The following MYO16 variants were observed in gnomAD, a reference collection of about 807,000 sequenced individuals.
MYO16 encodes myosin XVI, also known as unconventional myosin-XVI.
MYO16 carries 94 observed loss-of-function variants against 205.3 expected under a neutral mutation model. The observed-to-expected ratio is 0.46, with a 90% CI of 0.39 to 0.54. MYO16 has a LOEUF of 0.54. Ranked by LOEUF, MYO16 falls within the 20% of genes least tolerant of loss-of-function variation. The pLI is 0.00. For synonymous variants in MYO16, 988 were observed against 954.0 expected (o/e 1.04, Z -0.66); for missense variants, 2,315 against 2,387.5 (o/e 0.97, Z 0.63).
Position 109,140,775 on chromosome 13 carries a change from C to A in MYO16, c.4563C>A (p.Pro1521=). The change falls in exon 32 of 35, where the codon CCC becomes CCA. Residue 1521 remains proline, a synonymous_variant. Coordinates refer to ENST00000457511, the MANE Select transcript of MYO16 (RefSeq NM_001198950.3). This position sits in a 1 kb window ranked among gnomAD's most constrained non-coding sequence, Gnocchi z 8.0. ...CCCTGCTGGTGTTCCCCCCGACCCC[C>A]GTCACCTGCTCCCCCGCCTCCGACG... The part of the protein sequence containing the change: ...RPPLLVFPPT[P]VTCSPASDES... The A allele has an allele frequency of 1.9e-6, 3 of 1,568,544 alleles. No individual in the cohort carries two copies. The highest frequency in any genetic ancestry group is 2.6e-6 in the Non-Finnish European group (3 of 1,160,226).
At chr13:108,800,244 A>G (rs1472811233) in intron 6 of MYO16, among the ~76,000 whole-genome samples, 2 of 152,286 alleles carry the variant, frequency 1.3e-5, no homozygotes, top group African/African-American at 2.4e-5. Flanking sequence ...TGCAAGAATC[A>G]AAACCAGTTT....
intron 2 of MYO16, among the ~76,000 whole-genome samples, chr13:108,688,316 C>T (rs775269982): frequency 8.5e-5 from 13 of 152,056 alleles, no homozygotes; most frequent in Non-Finnish European, 1.6e-4. Flanking sequence ...AAGTCGGAAA[C>T]GTTAACTAAA....
intron 11 of MYO16, among the ~76,000 whole-genome samples, chr13:108,864,492 T>C (rs886868602): frequency 3.3e-5 from 5 of 152,158 alleles, no homozygotes; most frequent in Non-Finnish European, 7.4e-5. Context: ...TTGTATATTT[T>C]TAAGGGATAC....
In MYO16 at chr13:109,207,509, A is replaced by T. The variant is rs1880653723; in HGVS notation, c.*673A>T. On this transcript the variant is annotated 3_prime_UTR_variant, in exon 35 of 35. Transcript: ENST00000457511. ...CGCCAGTGTCACCCCTTGCAAAACTATGAATTGAGCCCCATGTTTTAGGTG... is the reference window on the plus strand; with the variant it reads ...CGCCAGTGTCACCCCTTGCAAAACTTTGAATTGAGCCCCATGTTTTAGGTG... The T allele has an allele frequency of 6.6e-6, 1 of 152,082 alleles. No individual in the cohort carries two copies. Among genetic ancestry groups the T allele is most frequent in the African/African-American group, 2.4e-5 (1 of 41,398 alleles). The allele number at this position is 152,082 out of a possible 1,614,324, so 9.4% of individuals were successfully genotyped here.
chr13:109,085,937 G>A (rs1406255857), intron 27 of MYO16, among the ~76,000 whole-genome samples: 1 of 152,192 alleles, frequency 6.6e-6, no homozygotes, highest in Non-Finnish European at 1.5e-5. Context: ...CCTATAACAT[G>A]TTAGCTGTCT....
At chr13:108,651,912 A>G (rs937992777) in intron 1 of MYO16, among the ~76,000 whole-genome samples, 1 of 152,192 alleles carries the variant, frequency 6.6e-6, no homozygotes, top group African/African-American at 2.4e-5. Flanking sequence ...AAGGATGGTA[A>G]AATCCAACAC....
chr13:108,566,175 G>C, the MYO16 span, among the ~76,000 whole-genome samples: 1 of 152,196 alleles, frequency 6.6e-6, no homozygotes, highest in East Asian at 1.9e-4. Context: ...TTTACTTGGA[G>C]AGTTTTTATT....
chr13:108,605,563 T>C (rs1878923767), intron 1 of MYO16, among the ~76,000 whole-genome samples: 1 of 152,204 alleles, frequency 6.6e-6, no homozygotes, highest in African/African-American at 2.4e-5. Context: ...TATAAGGGGC[T>C]ATTTCTCCTT....
intron 2 of MYO16, among the ~76,000 whole-genome samples, chr13:108,708,066 G>A (rs1250386339): frequency 1.3e-5 from 2 of 152,030 alleles, no homozygotes; most frequent in Non-Finnish European, 2.9e-5. Context: ...AGGGTGAGGG[G>A]GTGATAATAA....
At chr13:108,910,510 A>G (rs1296590192) in intron 16 of MYO16, among the ~76,000 whole-genome samples, 1 of 152,178 alleles carries the variant, frequency 6.6e-6, no homozygotes, top group Non-Finnish European at 1.5e-5. Context: ...ATGATTATTC[A>G]TTGGTGTTGG....
intron 1 of MYO16, among the ~76,000 whole-genome samples, chr13:108,611,255 C>T (rs1055944275): frequency 6.6e-6 from 1 of 151,874 alleles, no homozygotes; most frequent in Admixed American, 6.6e-5. Context: ...TGGATCTGCT[C>T]TATTGTTTTC....
At chr13:109,145,371 A>AG (rs1877283077) in intron 32 of MYO16, among the ~76,000 whole-genome samples, 1 of 11,522 alleles carries the variant, frequency 8.7e-5, no homozygotes, top group Admixed American at 9.5e-4. Context: ...AAAGAGACAG[A>AG]AAAAAAAAAA....
At chr13:108,818,907 A>G (rs904952364) in intron 7 of MYO16, among the ~76,000 whole-genome samples, 1 of 152,210 alleles carries the variant, frequency 6.6e-6, no homozygotes, top group Non-Finnish European at 1.5e-5. Context: ...CATAAACCAC[A>G]ATGCTCTATT....
chr13:108,907,441 C>G (rs1881042351), intron 15 of MYO16, among the ~76,000 whole-genome samples: 2 of 152,100 alleles, frequency 1.3e-5, no homozygotes, highest in African/African-American at 4.8e-5. Flanking sequence ...TAGAATGTTT[C>G]TTTTTATGTA....
At chr13:108,853,848 A>T (rs138486852) in intron 10 of MYO16, among the ~76,000 whole-genome samples, 296 of 152,032 alleles carry the variant, frequency 1.9e-3, no homozygotes, top group African/African-American at 6.9e-3. Flanking sequence ...AATGGTTTGA[A>T]CTCCAGTGCC....
At chr13:108,532,752 C>T in the MYO16 span, among the ~76,000 whole-genome samples, 1 of 152,002 alleles carries the variant, frequency 6.6e-6, no homozygotes, top group African/African-American at 2.4e-5. Context: ...GATTGCATCA[C>T]TGCACTCCAG....
At chr13:108,821,723 G>A (rs1875980076) in intron 8 of MYO16, among the ~76,000 whole-genome samples, 1 of 152,100 alleles carries the variant, frequency 6.6e-6, no homozygotes, top group South Asian at 2.1e-4. Context: ...CATGGCAGTT[G>A]ACAATCTTAG....
the MYO16 span, among the ~76,000 whole-genome samples, chr13:108,534,536 C>T: frequency 2.0e-5 from 3 of 151,478 alleles, no homozygotes; most frequent in Middle Eastern, 3.4e-3. Context: ...AAACCTTTTA[C>T]GAAAAAATTG....
the MYO16 span, among the ~76,000 whole-genome samples, chr13:108,517,743 T>A: frequency 5.2e-3 from 797 of 152,344 alleles, 6 homozygotes; most frequent in African/African-American, 0.018. Flanking sequence ...TGTTTGTTAT[T>A]ATTGTTTGCT....
Sources: allele counts gnomAD v4.1 joint callset (sites outside exome capture counted in the v4.1 genomes callset), GRCh38; gene constraint gnomAD v4.1.1; non-coding constraint Gnocchi (gnomAD v3.1); transcripts MANE v1.5; gene names NCBI Gene and HGNC (gene_info 2026-07-23, HGNC 2026-07-21).